SATB2: variants seen among roughly 807,000 people sequenced by gnomAD.
SATB2 encodes SATB homeobox 2, also known as DNA-binding protein SATB2.
SATB2 carries 1 observed loss-of-function variant against 73.4 expected under a neutral mutation model. That is an observed-to-expected ratio of 0.01 (90% CI 0.00 to 0.06). SATB2 has a LOEUF of 0.06. Ranked by LOEUF, SATB2 falls within the 10% of genes least tolerant of loss-of-function variation. The pLI is 1.00. For synonymous variants in SATB2, 397 were observed against 367.0 expected, an observed-to-expected ratio of 1.08 and a Z score of -0.93; for missense variants, 459 against 945.8, an observed-to-expected ratio of 0.49 and a Z score of 6.75.
At chr2:199,398,971 A>G (rs1690386060) in intron 3 of SATB2, among the ~76,000 whole-genome samples, 1 of 152,198 alleles carries the variant, frequency 6.6e-6, no homozygotes, top group African/African-American at 2.4e-5. Flanking sequence ...CTAAAGATAA[A>G]GATACAGGTA....
chr2:199,333,188 T>C (rs913763159), intron 7 of SATB2, among the ~76,000 whole-genome samples: 2 of 152,060 alleles, frequency 1.3e-5, no homozygotes, highest in Admixed American at 1.3e-4. Flanking sequence ...TATTAATTCA[T>C]TTCTTATTTA....
chr2:199,416,859 A>C (rs536387264), intron 3 of SATB2, among the ~76,000 whole-genome samples: 2 of 152,108 alleles, frequency 1.3e-5, no homozygotes, highest in South Asian at 4.2e-4. Flanking sequence ...ACATGGTGAA[A>C]CCCTATCTCT....
intron 9 of SATB2, among the ~76,000 whole-genome samples, chr2:199,311,162 A>C (rs1287949860): frequency 6.6e-6 from 1 of 152,180 alleles, no homozygotes; most frequent in Non-Finnish European, 1.5e-5. Context: ...TTTCTGGCAC[A>C]GGGAGGTAGC....
chr2:199,366,610 C>T (rs1689291593), intron 6 of SATB2, among the ~76,000 whole-genome samples: 1 of 151,946 alleles, frequency 6.6e-6, no homozygotes, highest in African/African-American at 2.4e-5. Flanking sequence ...ATACCTTAAC[C>T]TTCCCTTTTC....
intron 9 of SATB2, among the ~76,000 whole-genome samples, chr2:199,313,446 C>G (rs1379517375): frequency 1.3e-5 from 2 of 152,112 alleles, no homozygotes; most frequent in East Asian, 3.9e-4. Context: ...GTTAAAAGTT[C>G]CCAAGCATTA....
At chr2:199,346,819 C>T (rs1688663888) in intron 7 of SATB2, 1 of 149,532 alleles carries the variant, frequency 6.7e-6, no homozygotes, top group Admixed American at 6.7e-5. Context: ...AATTTACCAA[C>T]ATTTATCAGA....
intron 7 of SATB2, among the ~76,000 whole-genome samples, chr2:199,335,990 A>G (rs1424705516): frequency 2.6e-5 from 4 of 152,170 alleles, no homozygotes; most frequent in Non-Finnish European, 5.9e-5. Context: ...TGTTCCCTTA[A>G]CTGCAATACC....
At chr2:199,449,238 A>G (rs1574639593) in intron 2 of SATB2, among the ~76,000 whole-genome samples, 2 of 152,182 alleles carry the variant, frequency 1.3e-5, no homozygotes, top group Non-Finnish European at 2.9e-5. Flanking sequence ...ATGTCTTTTT[A>G]TCTAGTTTTT....
intron 3 of SATB2, among the ~76,000 whole-genome samples, chr2:199,418,593 G>T (rs1294440264): frequency 1.3e-5 from 2 of 151,956 alleles, no homozygotes; most frequent in African/African-American, 2.4e-5. Context: ...TCTTAACGTG[G>T]TTTGCTTCTA....
intron 9 of SATB2, among the ~76,000 whole-genome samples, chr2:199,309,543 C>T (rs936306687): frequency 3.3e-5 from 5 of 152,218 alleles, no homozygotes; most frequent in Admixed American, 1.3e-4. Flanking sequence ...ATCACCTTCC[C>T]GCAACAGCCA....
At chr2:199,404,075 G>T (rs1690563112) in intron 3 of SATB2, among the ~76,000 whole-genome samples, 1 of 152,204 alleles carries the variant, frequency 6.6e-6, no homozygotes, top group Non-Finnish European at 1.5e-5. Flanking sequence ...AAGAGGAAAG[G>T]CCTCTAAACG....
upstream of SATB2, chr2:199,469,023 T>G (rs1046107924): frequency 6.6e-6 from 1 of 152,218 alleles, no homozygotes; most frequent in African/African-American, 2.4e-5. Context: ...AAGGGACTGG[T>G]CTGCGTGCCT....
At chr2:199,416,992 C>T (rs1160676268) in intron 3 of SATB2, among the ~76,000 whole-genome samples, 5 of 151,812 alleles carry the variant, frequency 3.3e-5, no homozygotes, top group South Asian at 2.1e-4. Flanking sequence ...GCGGAGATCA[C>T]GCCACTGCAC....
chr2:199,283,531 T>G lies in SATB2; in HGVS notation c.1741-10859A>C, dbSNP rs114274248. Among the ~76,000 whole-genome samples, 423 of 150,396 alleles carry G rather than the reference T, an allele frequency of 2.8e-3. 2 individuals are homozygous for G. Among genetic ancestry groups the G allele is most frequent in the African/African-American group, 9.9e-3 (405 of 40,956 alleles). On this transcript the variant is annotated intron_variant, in intron 10 of 10. Transcript: ENST00000417098. ...CAGTGCTTTTGTACCATCTGCAAATTTCAGCAAAGTCAAAAAGGTAAATAA... is the reference window on the plus strand; with the variant it reads ...CAGTGCTTTTGTACCATCTGCAAATGTCAGCAAAGTCAAAAAGGTAAATAA...
intron 5 of SATB2, 64 bp from the exon 6 acceptor site, chr2:199,368,771 A>G (rs1689360587): frequency 1.1e-6 from 1 of 945,574 alleles, no homozygotes; most frequent in African/African-American, 1.6e-5. Flanking sequence ...GACAAGAAAG[A>G]GCACTTTATA....
At chr2:199,319,074 T>C (rs965837061) in intron 9 of SATB2, among the ~76,000 whole-genome samples, 1 of 151,984 alleles carries the variant, frequency 6.6e-6, no homozygotes, top group East Asian at 1.9e-4. Context: ...AATCCTAATG[T>C]ACATGAAGCA....
intron 5 of SATB2, among the ~76,000 whole-genome samples, chr2:199,372,990 A>G (rs962688804): frequency 6.6e-6 from 1 of 152,240 alleles, no homozygotes; most frequent in Non-Finnish European, 1.5e-5. Flanking sequence ...AAATAACTGG[A>G]TATCCTTCAC....
At chr2:199,324,910 C>G (rs1278620357) in intron 8 of SATB2, among the ~76,000 whole-genome samples, 3 of 152,098 alleles carry the variant, frequency 2.0e-5, no homozygotes, top group Non-Finnish European at 4.4e-5. Flanking sequence ...TTCTCTTTGT[C>G]CCCATTCACC....
At chr2:199,422,824 A>G (rs1691211270) in intron 3 of SATB2, among the ~76,000 whole-genome samples, 1 of 152,122 alleles carries the variant, frequency 6.6e-6, no homozygotes, top group Non-Finnish European at 1.5e-5. Context: ...AGCACTCAAT[A>G]AATATTAACA....
Sources: allele counts gnomAD v4.1 joint callset (sites outside exome capture counted in the v4.1 genomes callset), GRCh38; gene constraint gnomAD v4.1.1; transcripts MANE v1.5; gene names NCBI Gene and HGNC (gene_info 2026-07-23, HGNC 2026-07-21).